Variants in PEX14 observed in about 807,000 individuals in gnomAD.
PEX14 encodes the protein peroxisomal biogenesis factor 14.
Under a neutral mutation model 49.5 loss-of-function variants are expected in PEX14, and 15 were observed. That is an observed-to-expected ratio of 0.30 (90% CI 0.20 to 0.47). The LOEUF is 0.47. Ranked by LOEUF, PEX14 falls within the 20% of genes least tolerant of loss-of-function variation. The probability of loss-of-function intolerance (pLI) is 1.00; values close to 1 mark genes in which losing one functional copy is unlikely to be tolerated. For synonymous variants in PEX14, 210 were observed against 212.7 expected (o/e 0.99, Z 0.11); for missense variants, 398 against 494.8 (o/e 0.80, Z 1.86).
At chr1:10,594,213 A>T (rs1413777764) in intron 3 of PEX14, among the ~76,000 whole-genome samples, 2 of 152,072 alleles carry the variant, frequency 1.3e-5, no homozygotes, top group South Asian at 2.1e-4. Context: ...CCCTCCCTGA[A>T]CCTTTTCTGA....
chr1:10,579,200 A>T (rs1428185524), intron 3 of PEX14, among the ~76,000 whole-genome samples: 2 of 152,216 alleles, frequency 1.3e-5, no homozygotes, highest in South Asian at 4.1e-4. Context: ...GCTGACTCAT[A>T]ATCAGAGACA....
chr1:10,605,742 C>T (rs1185703932), intron 4 of PEX14, among the ~76,000 whole-genome samples: 2 of 152,248 alleles, frequency 1.3e-5, no homozygotes, highest in Non-Finnish European at 2.9e-5. Context: ...CCATTTCTTT[C>T]TCTGCTGGTT....
chr1:10,503,884 C>T (rs1641732036), intron 2 of PEX14, among the ~76,000 whole-genome samples: 1 of 152,062 alleles, frequency 6.6e-6, no homozygotes. Flanking sequence ...CAGGCGCCCA[C>T]CACCATGCCT....
At chr1:10,491,245 A>T (rs749339828) in intron 1 of PEX14, among the ~76,000 whole-genome samples, 6 of 150,954 alleles carry the variant, frequency 4.0e-5, no homozygotes, top group Non-Finnish European at 8.8e-5. Context: ...TTAAAAAAAT[A>T]AAAAAAAGGC....
At chr1:10,531,336 G>A (rs965045386) in intron 2 of PEX14, among the ~76,000 whole-genome samples, 5 of 152,222 alleles carry the variant, frequency 3.3e-5, no homozygotes, top group African/African-American at 1.2e-4. Context: ...TCCTGACAGA[G>A]TACTGATTTC....
At chr1:10,524,718 G>T (rs1638416333) in intron 2 of PEX14, among the ~76,000 whole-genome samples, 2 of 152,124 alleles carry the variant, frequency 1.3e-5, no homozygotes, top group South Asian at 4.1e-4. Flanking sequence ...TTTAGAGACG[G>T]GGTCTCACTC....
In PEX14 at chr1:10,603,621, A is replaced by T. The variant is rs1249481116; in HGVS notation, c.298+4255A>T. On this transcript the variant is annotated intron_variant, in intron 4 of 8. Transcript: ENST00000356607. Reference sequence around the variant, plus strand: ...ATTTTGGTTTCTTGTCTGGCTTTACATCGGGAGTCAGTGCATGTGTATAGG... The same window carrying T: ...ATTTTGGTTTCTTGTCTGGCTTTACTTCGGGAGTCAGTGCATGTGTATAGG... Among the ~76,000 whole-genome samples, 9 of 152,134 alleles carry T rather than the reference A, an allele frequency of 5.9e-5. No individual in the cohort carries two copies. The South Asian group carries it at 1.9e-3, about 32-fold the overall frequency.
intron 2 of PEX14, chr1:10,524,356 G>C (rs1179514236): frequency 2.7e-6 from 1 of 368,948 alleles, no homozygotes. Flanking sequence ...AAGCAAGATG[G>C]TAATTCATAA....
At chr1:10,614,262 C>T (rs960023195) in intron 4 of PEX14, among the ~76,000 whole-genome samples, 24 of 152,160 alleles carry the variant, frequency 1.6e-4, no homozygotes, top group African/African-American at 4.3e-4. Flanking sequence ...ATCTCCAAAA[C>T]GAGTAAAATG....
intron 4 of PEX14, chr1:10,617,068 G>A (rs1641444541): frequency 6.6e-6 from 1 of 152,038 alleles, no homozygotes; most frequent in African/African-American, 2.4e-5. Flanking sequence ...CATGCCTGTG[G>A]ATCGCCACTG....
intron 2 of PEX14, among the ~76,000 whole-genome samples, chr1:10,506,991 T>G (rs1641793972): frequency 6.6e-6 from 1 of 152,250 alleles, no homozygotes; most frequent in Admixed American, 6.5e-5. Context: ...TAACTGATTT[T>G]TTGATTAACC....
At chr1:10,568,847 C>G (rs2124545806) in intron 3 of PEX14, among the ~76,000 whole-genome samples, 2 of 152,270 alleles carry the variant, frequency 1.3e-5, no homozygotes, top group South Asian at 4.2e-4. Context: ...TCAAGTGATT[C>G]TCATACCTCA....
At chr1:10,577,845 C>G (rs769745100) in intron 3 of PEX14, among the ~76,000 whole-genome samples, 2 of 150,920 alleles carry the variant, frequency 1.3e-5, no homozygotes, top group African/African-American at 2.4e-5. Flanking sequence ...TGGTGATCTG[C>G]TATACCCAGC....
At chr1:10,605,402 G>A (rs1405661510) in intron 4 of PEX14, among the ~76,000 whole-genome samples, 1 of 152,196 alleles carries the variant, frequency 6.6e-6, no homozygotes, top group Admixed American at 6.5e-5. Context: ...ACGTCACCTT[G>A]CATGGTGAGA....
intron 2 of PEX14, among the ~76,000 whole-genome samples, chr1:10,532,124 A>G (rs1322281381): frequency 2.0e-5 from 3 of 152,092 alleles, no homozygotes; most frequent in Admixed American, 6.5e-5. Flanking sequence ...ATCTCTCTCA[A>G]TTGGCCAGTC....
chr1:10,475,004 T>C lies in PEX14; in HGVS notation c.36+2T>C. On this transcript the variant is annotated splice_donor_variant, in intron 1 of 8. Coordinates refer to ENST00000356607, the MANE Select transcript of PEX14 (RefSeq NM_004565.3). LOFTEE classifies it high-confidence loss of function. ...GAGCAGGCAGAGCAGCCGAGCCAGG[T>C]AAGGGGAGTGGGACTGCCCCGCTGT... The C allele has an allele frequency of 1.2e-6, 2 of 1,609,682 alleles. No homozygotes were observed. The highest frequency in any genetic ancestry group is 4.5e-5 in the East Asian group (2 of 44,736).
At chr1:10,534,189 C>T (rs570489863) in intron 2 of PEX14, among the ~76,000 whole-genome samples, 13 of 152,322 alleles carry the variant, frequency 8.5e-5, no homozygotes, top group Admixed American at 2.0e-4. Context: ...CCGCATGATA[C>T]GAGTAGTGTA....
intron 3 of PEX14, among the ~76,000 whole-genome samples, chr1:10,589,908 C>A (rs60101188): frequency 0.098 from 14,867 of 152,178 alleles, 884 homozygotes; most frequent in East Asian, 0.21. Flanking sequence ...ATTTGAAAAA[C>A]TCCAGTCTTA....
intron 2 of PEX14, among the ~76,000 whole-genome samples, chr1:10,527,211 C>CAAAAAAA (rs35749900): frequency 6.5e-4 from 76 of 117,668 alleles, no homozygotes; most frequent in Admixed American, 1.2e-3. Flanking sequence ...GACTCTGTCT[C>CAAAAAAA]AAAAAAAAAA....
Sources: allele counts gnomAD v4.1 joint callset (sites outside exome capture counted in the v4.1 genomes callset), GRCh38; gene constraint gnomAD v4.1.1; transcripts MANE v1.5; gene names NCBI Gene and HGNC (gene_info 2026-07-23, HGNC 2026-07-21).